The following CUL5 variants were observed in gnomAD, a reference collection of about 807,000 sequenced individuals.
CUL5 encodes the protein cullin-5.
A neutral mutation model predicts 108.8 loss-of-function variants in CUL5; 26 were observed. The ratio of observed to expected loss-of-function variants is 0.24; its 90% CI spans 0.18 to 0.33. CUL5 has a LOEUF of 0.33. Ranked by LOEUF, CUL5 falls within the 10% of genes least tolerant of loss-of-function variation. The pLI, the probability that CUL5 is intolerant of heterozygous loss-of-function variation, is 1.00. For synonymous variants in CUL5, 334 were observed against 298.0 expected, an observed-to-expected ratio of 1.12 and a Z score of -1.25; for missense variants, 524 against 909.2, an observed-to-expected ratio of 0.58 and a Z score of 5.45.
chr11:108,098,634 A>C (rs958493825), intron 18 of CUL5, 105 bp downstream of exon 18: 1 of 889,690 alleles, frequency 1.1e-6, no homozygotes, highest in African/African-American at 1.8e-5. Flanking sequence ...TGTAGGGGCT[A>C]AGTGCAGTGG....
At chr11:108,042,519 G>A (rs192689170) in intron 2 of CUL5, among the ~76,000 whole-genome samples, 9 of 151,998 alleles carry the variant, frequency 5.9e-5, no homozygotes, top group Admixed American at 4.6e-4. Context: ...ACTGCACCTG[G>A]CCCACAATTC....
At chr11:108,095,800 T>C in intron 16 of CUL5, 109 bp downstream of exon 16, 11 of 1,070,290 alleles carry the variant, frequency 1.0e-5, no homozygotes, top group Non-Finnish European at 1.5e-5. Flanking sequence ...GAATGTCTTA[T>C]CAAGAAAAAT....
chr11:108,054,435 T>TGCAAAA (rs1280010996), intron 5 of CUL5, among the ~76,000 whole-genome samples: 1 of 152,244 alleles, frequency 6.6e-6, no homozygotes, highest in Non-Finnish European at 1.5e-5. Context: ...AAATAGTCTA[T>TGCAAAA]ATTATCTGTA....
At chr11:108,042,105 G>A (rs577325882) in intron 2 of CUL5, among the ~76,000 whole-genome samples, 2 of 152,022 alleles carry the variant, frequency 1.3e-5, no homozygotes, top group East Asian at 1.9e-4. Flanking sequence ...GATAAAAGGG[G>A]GTTAGTTTGC....
intron 11 of CUL5, among the ~76,000 whole-genome samples, chr11:108,083,650 G>A (rs1055647484): frequency 3.3e-5 from 5 of 152,194 alleles, no homozygotes; most frequent in African/African-American, 1.2e-4. Flanking sequence ...AATTAGACGA[G>A]CATGATGGTG....
At chr11:108,036,673 T>C (rs1862752804) in intron 2 of CUL5, among the ~76,000 whole-genome samples, 2 of 152,206 alleles carry the variant, frequency 1.3e-5, no homozygotes, top group African/African-American at 4.8e-5. Context: ...AGACAGGTTT[T>C]CACCATGTTG....
intron 1 of CUL5, among the ~76,000 whole-genome samples, chr11:108,021,807 C>T (rs1343249129): frequency 1.3e-5 from 2 of 149,640 alleles, no homozygotes; most frequent in Admixed American, 6.7e-5. Flanking sequence ...TGAGCCACAC[C>T]GCCCAGTTTA....
At chr11:108,038,366 A>C (rs1312528671) in intron 2 of CUL5, among the ~76,000 whole-genome samples, 1 of 152,122 alleles carries the variant, frequency 6.6e-6, no homozygotes, top group African/African-American at 2.4e-5. Context: ...TTTACTTGCT[A>C]CAGTTAGTGG....
At chr11:108,094,679 A>T (rs1218993122) in intron 14 of CUL5, 133 bp from the exon 15 acceptor site, 6 of 848,722 alleles carry the variant, frequency 7.1e-6, no homozygotes, top group Non-Finnish European at 1.0e-5. Context: ...ACAGATCTTT[A>T]TTTCAAAACA....
intron 1 of CUL5, among the ~76,000 whole-genome samples, chr11:108,011,857 A>AC (rs1469183255): frequency 6.6e-6 from 1 of 152,170 alleles, no homozygotes; most frequent in African/African-American, 2.4e-5. Context: ...CCATCTCTTG[A>AC]CCTCATGATC....
At chr11:108,028,454 G>T (rs1440238881) in intron 1 of CUL5, among the ~76,000 whole-genome samples, 1 of 152,120 alleles carries the variant, frequency 6.6e-6, no homozygotes, top group Non-Finnish European at 1.5e-5. Flanking sequence ...CACCATCAGT[G>T]CTTCCTAATC....
chr11:108,032,936 A>T (rs1203284456), intron 1 of CUL5, among the ~76,000 whole-genome samples: 2 of 152,138 alleles, frequency 1.3e-5, no homozygotes, highest in Non-Finnish European at 2.9e-5. Flanking sequence ...ACAAAATTAG[A>T]TGATACAGTC....
intron 18 of CUL5, among the ~76,000 whole-genome samples, chr11:108,101,203 T>C (rs7935031): frequency 0.97 from 148,440 of 152,294 alleles, 72,442 homozygotes; most frequent in Middle Eastern, 1. Flanking sequence ...CCATTCATCC[T>C]CATTCATTGC....
At chr11:108,042,288 C>T (rs1227265143) in intron 2 of CUL5, among the ~76,000 whole-genome samples, 3 of 144,326 alleles carry the variant, frequency 2.1e-5, no homozygotes, top group Non-Finnish European at 4.5e-5. Context: ...GGTGCAGTCT[C>T]GGCTCACTGC....
intron 16 of CUL5, among the ~76,000 whole-genome samples, chr11:108,095,924 C>T (rs1254355240): frequency 6.6e-6 from 1 of 150,874 alleles, no homozygotes; most frequent in Non-Finnish European, 1.5e-5. Context: ...AGTGAAACCC[C>T]ATCTCTACTA....
At chr11:108,073,611 A>G (rs1863878733) in intron 10 of CUL5, 114 bp downstream of exon 10, 1 of 463,468 alleles carries the variant, frequency 2.2e-6, no homozygotes, top group Non-Finnish European at 3.7e-6. Flanking sequence ...AAACCTAGCA[A>G]CTGTTATTTT....
At position 108,104,320 on chromosome 11, in the gene CUL5, T is replaced by C; in HGVS notation, c.2279T>C (p.Leu760Pro). ...KKMIKEQIEW[L>P]IEHKYIRRDE... ...ATGATAAAAGAGCAAATAGAGTGGC[T>C]AATAGAGCACAAATACATCAGAAGA... Residue 760 changes from leucine (L) to proline (P), a missense_variant, in exon 19 of 19, where the codon CTA becomes CCA. This residue lies in a region of CUL5 where 22 missense variants were observed against 70.5 expected (regional missense o/e 0.31). Transcript: ENST00000393094. 1 of 1,605,086 alleles carries C rather than the reference T, an allele frequency of 6.2e-7. No homozygotes were observed. The highest frequency in any genetic ancestry group is 8.5e-7 in the Non-Finnish European group (1 of 1,177,488).
chr11:108,036,162 CT>C (rs1312580506), intron 2 of CUL5, among the ~76,000 whole-genome samples: 3 of 152,188 alleles, frequency 2.0e-5, no homozygotes, highest in African/African-American at 7.2e-5. Flanking sequence ...AAGTGTATTT[CT>C]TCCATCTGGA....
chr11:108,043,148 T>G (rs1413047009), intron 2 of CUL5, among the ~76,000 whole-genome samples: 1 of 152,228 alleles, frequency 6.6e-6, no homozygotes, highest in Non-Finnish European at 1.5e-5. Context: ...TTGTAGCTCA[T>G]TGTAACCCTG....
Sources: allele counts gnomAD v4.1 joint callset (sites outside exome capture counted in the v4.1 genomes callset), GRCh38; gene constraint gnomAD v4.1.1; regional missense constraint gnomAD v4.1.1; transcripts MANE v1.5; gene names NCBI Gene and HGNC (gene_info 2026-07-23, HGNC 2026-07-21).